Variants in MAN2A2 observed in about 807,000 individuals in gnomAD.
MAN2A2 encodes mannosidase alpha class 2A member 2.
A neutral mutation model predicts 126.8 loss-of-function variants in MAN2A2; 79 were observed. The ratio of observed to expected loss-of-function variants is 0.62; its 90% CI spans 0.52 to 0.75. MAN2A2 has a LOEUF of 0.75. Ranked by LOEUF, MAN2A2 falls within the 30% of genes least tolerant of loss-of-function variation. The probability of loss-of-function intolerance (pLI) is 0.00; values close to 1 mark genes in which losing one functional copy is unlikely to be tolerated. For synonymous variants in MAN2A2, 671 were observed against 618.7 expected, an observed-to-expected ratio of 1.08 and a Z score of -1.25; for missense variants, 1,392 against 1,522.4, an observed-to-expected ratio of 0.91 and a Z score of 1.43.
At position 90,919,714 on chromosome 15, in the gene MAN2A2, C is replaced by G. The variant is rs1483946710; in HGVS notation, c.3380C>G (p.Ala1127Gly). 6 of 1,614,236 alleles carry G rather than the reference C, an allele frequency of 3.7e-6. No homozygotes were observed. Among genetic ancestry groups the G allele is most frequent in the Non-Finnish European group, 4.2e-6 (5 of 1,180,036 alleles). ...PTSLTLLYPL[A>G]SPSNSTDVYL... ...TCCTTGACGTTACTGTACCCTCTGG[C>G]CTCCCCGTCCAACAGCACTGACGTC... Residue 1127 changes from alanine (A) to glycine (G), a missense_variant, in exon 23 of 23, where the codon GCC becomes GGC. Ala to Gly is a moderately conservative substitution (Grantham distance 60, BLOSUM62 0). Transcript: ENST00000559717.
At position 90,905,418 on chromosome 15, in the gene MAN2A2, GC is replaced by G. The variant is rs748528753; in HGVS notation, c.302del (p.Pro101HisfsTer151). 1 of 1,613,760 alleles carries G rather than the reference GC, an allele frequency of 6.2e-7. No homozygotes were observed. Among genetic ancestry groups the G allele is most frequent in the Non-Finnish European group, 8.5e-7 (1 of 1,180,020 alleles). ...ACACGGTCAATGGCTCCTGGGTGGT[GC>G]CACCGGAGCCCCGGCCCAGCTTCTT... ...YYTVNGSWVV[P>X]PEPRPSFFSI... On this transcript the variant is annotated frameshift_variant, in exon 3 of 23. Transcript: ENST00000559717. LOFTEE classifies it high-confidence loss of function.
Position 90,911,662 on chromosome 15 carries a change from C to A in MAN2A2, c.2109+112C>A, listed in dbSNP as rs1011040873. The stretch of plus-strand genomic sequence containing the variant: ...GCTTGTGGCCCTGCTACTCTCCAGG[C>A]TGAGGACAAGTGTCCTGGGGAGGGG... On this transcript the variant is annotated intron_variant, in intron 14 of 22. Transcript: ENST00000559717. 3 of 1,247,524 alleles carry A rather than the reference C, an allele frequency of 2.4e-6. No individual in the cohort carries two copies. In the African/African-American group the frequency reaches 4.5e-5, roughly 19 times the overall value. The allele number at this position is 1,247,524 out of a possible 1,614,324, so 77.3% of individuals were successfully genotyped here.
In MAN2A2 at chr15:90,909,468, T is replaced by C. The variant is rs1462955535; in HGVS notation, c.1338T>C (p.Phe446=). The C allele has an allele frequency of 1.2e-6, 2 of 1,614,098 alleles. No individual in the cohort carries two copies. Among genetic ancestry groups the C allele is most frequent in the East Asian group, 2.2e-5 (1 of 44,878 alleles). Residue 446 remains phenylalanine, a synonymous_variant, in exon 9 of 23, where the codon TTT becomes TTC. Coordinates refer to ENST00000559717, the MANE Select transcript of MAN2A2 (RefSeq NM_006122.4). ...DAQFFNYQRL[F]DFFNSRPNLH... is the part of the protein sequence containing the mutation. The stretch of plus-strand genomic sequence containing the variant: ...AGTTCTTCAACTACCAACGGCTCTT[T>C]GACTTCTTCAACAGCAGGCCTAACC...
In MAN2A2 at chr15:90,919,976, G is replaced by A; in HGVS notation, c.*189G>A. On this transcript the variant is annotated 3_prime_UTR_variant, in exon 23 of 23. Coordinates refer to ENST00000559717, the MANE Select transcript of MAN2A2 (RefSeq NM_006122.4). ...GCGCAACCCACAAACCCAGTGATGG[G>A]TAAATAGGGCAGACGCCAGTGAGAT... The A allele has an allele frequency of 1.5e-6, 1 of 645,818 alleles. No homozygotes were observed. Among genetic ancestry groups the A allele is most frequent in the South Asian group, 2.0e-5 (1 of 50,874 alleles). 40.0% of individuals were successfully genotyped at this position (645,818 alleles called of 1,614,324 possible).
chr15:90,919,736 C>T lies in MAN2A2; in HGVS notation c.3402C>T (p.Asp1134=), dbSNP rs780625069. The T allele has an allele frequency of 2.7e-5, 44 of 1,614,098 alleles. No individual in the cohort carries two copies. The highest frequency in any genetic ancestry group is 1.9e-4 in the South Asian group (17 of 91,084). ...TGGCCTCCCCGTCCAACAGCACTGA[C>T]GTCTATTTGGAGCCCATGGAGATTG... ...YPLASPSNST[D]VYLEPMEIAT... is the part of the protein sequence containing the mutation. The change falls in exon 23 of 23, where the codon GAC becomes GAT. Residue 1134 remains aspartate (D), a synonymous_variant. Transcript: ENST00000559717.
rs1355376178 is a variant in MAN2A2, at chr15:90,905,936, G to T, written c.627G>T (p.Arg209=). Residue 209 remains arginine (R), a synonymous_variant, in exon 5 of 23, where the codon CGG becomes CGT. Coordinates refer to ENST00000559717, the MANE Select transcript of MAN2A2 (RefSeq NM_006122.4). The part of the protein sequence containing the change: ...MVSKLQEDPR[R]RFLWAEVSFF... Reference sequence around the variant, plus strand: ...CTAAGCTGCAGGAGGACCCCCGGCGGCGCTTCCTCTGGGCAGAGGTCTCCT... The same window carrying T: ...CTAAGCTGCAGGAGGACCCCCGGCGTCGCTTCCTCTGGGCAGAGGTCTCCT... The T allele has an allele frequency of 6.2e-7, 1 of 1,613,538 alleles. No individual in the cohort carries two copies. Among genetic ancestry groups the T allele is most frequent in the Non-Finnish European group, 8.5e-7 (1 of 1,179,690 alleles).
Position 90,918,238 on chromosome 15 carries a change from C to G in MAN2A2, c.3039C>G (p.His1013Gln). 6.2e-7 allele frequency: 1 copy of G among 1,614,086 alleles called. No individual in the cohort carries two copies. Among genetic ancestry groups the G allele is most frequent in the Non-Finnish European group, 8.5e-7 (1 of 1,179,980 alleles). The change falls in exon 21 of 23, where the codon CAC becomes CAG. Residue 1013 changes from histidine (H) to glutamine (Q), a missense_variant. Coordinates refer to ENST00000559717, the MANE Select transcript of MAN2A2 (RefSeq NM_006122.4). ...CCAGCTACCCATCCCTCCTCAGCCACCTGACCTCCATGTACCTGAACGCCC... is the reference window on the plus strand; with the variant it reads ...CCAGCTACCCATCCCTCCTCAGCCAGCTGACCTCCATGTACCTGAACGCCC... ...HSTSYPSLLS[H>Q]LTSMYLNAPA...
Position 90,921,385 on chromosome 15 carries a change from A to C in MAN2A2, c.*1598A>C, listed in dbSNP as rs2035536329. 1 of 151,976 alleles carries C rather than the reference A, an allele frequency of 6.6e-6. No individual in the cohort carries two copies. Among genetic ancestry groups the C allele is most frequent in the Non-Finnish European group, 1.5e-5 (1 of 68,016 alleles). The allele number at this position is 151,976 out of a possible 1,614,324, so 9.4% of individuals were successfully genotyped here. On this transcript the variant is annotated 3_prime_UTR_variant, in exon 23 of 23. Transcript: ENST00000559717. The stretch of plus-strand genomic sequence containing the variant: ...GTGAATGTGTGAGAACACTAAGACC[A>C]CTCTGAACGATGATAATGAGTTGGG...
intron 6 of MAN2A2, 82 bp downstream of exon 6, chr15:90,906,579 G>C (rs947677312): frequency 2.5e-6 from 4 of 1,604,340 alleles, no homozygotes; most frequent in Admixed American, 3.4e-5. Flanking sequence ...GGATCGGCAG[G>C]GGGTGGTTCC....
intron 17 of MAN2A2, 92 bp from the exon 18 acceptor site, chr15:90,913,181 C>G (rs1042962042): frequency 2.0e-6 from 3 of 1,479,060 alleles, no homozygotes; most frequent in Non-Finnish European, 2.8e-6. Flanking sequence ...GACAGAGCCT[C>G]TCCCCAGCTC....
chr15:90,909,312 T>C lies in MAN2A2; in HGVS notation c.1197-15T>C, dbSNP rs2034538224. ...GAGACTTCGTGGTGGGCCCATGTTT[T>C]TTTTCCTGCCCCAGGGCAGCCCTGC... On this transcript the variant is annotated splice_polypyrimidine_tract_variant and intron_variant, in intron 8 of 22. Transcript: ENST00000559717. 1.3e-6 allele frequency: 2 copies of C among 1,596,020 alleles called. No individual in the cohort carries two copies. The highest frequency in any genetic ancestry group is 1.7e-6 in the Non-Finnish European group (2 of 1,167,630).
intron 7 of MAN2A2, 73 bp from the exon 8 acceptor site, chr15:90,907,236 C>G: frequency 6.8e-7 from 1 of 1,474,456 alleles, no homozygotes; most frequent in Non-Finnish European, 9.4e-7. Flanking sequence ...TGCCTTTAGC[C>G]TGAACAGATC....
At chr15:90,914,711 G>A (rs1038463307) in intron 19 of MAN2A2, among the ~76,000 whole-genome samples, 5 of 152,084 alleles carry the variant, frequency 3.3e-5, no homozygotes, top group African/African-American at 9.7e-5. Flanking sequence ...GTAGAGATGG[G>A]GTTTCACCAT....
rs1031645545 is a variant in MAN2A2 at position 90,905,781 on chromosome 15, A to G, written c.535+58A>G. The G allele has an allele frequency of 1.3e-5, 21 of 1,604,960 alleles. No homozygotes were observed. In the Middle Eastern group the frequency reaches 6.6e-4, roughly 50 times the overall value. Reference sequence around the variant, plus strand: ...TGTGGAGTGGGATTTCTGATGGCCAATACAAGGGAGGGACGTCGAAGAAGA... The same window carrying G: ...TGTGGAGTGGGATTTCTGATGGCCAGTACAAGGGAGGGACGTCGAAGAAGA... On this transcript the variant is annotated intron_variant, in intron 4 of 22. Transcript: ENST00000559717.
At chr15:90,917,231 G>A (rs993915356) in intron 20 of MAN2A2, among the ~76,000 whole-genome samples, 2 of 152,236 alleles carry the variant, frequency 1.3e-5, no homozygotes, top group African/African-American at 2.4e-5. Flanking sequence ...ATGTGGTGTC[G>A]GATATTTCCA....
Position 90,912,162 on chromosome 15 carries a change from G to C in MAN2A2, c.2229G>C (p.Leu743=). 1 of 1,613,988 alleles carries C rather than the reference G, an allele frequency of 6.2e-7. No homozygotes were observed. The highest frequency in any genetic ancestry group is 8.5e-7 in the Non-Finnish European group (1 of 1,179,968). ...SVRIYLHGRQ[L]SVSRHEAFPL... The stretch of plus-strand genomic sequence containing the variant: ...GCATCTACCTGCACGGCCGGCAGCT[G>C]TCCGTCAGCAGGCACGAAGCGTTTC... The change falls in exon 15 of 23, where the codon CTG becomes CTC. Residue 743 remains leucine, a synonymous_variant. Coordinates refer to ENST00000559717, the MANE Select transcript of MAN2A2 (RefSeq NM_006122.4).
intron 8 of MAN2A2, 70 bp downstream of exon 8, chr15:90,907,565 G>C: frequency 6.8e-7 from 1 of 1,467,368 alleles, no homozygotes; most frequent in South Asian, 1.2e-5. Context: ...GCCGTGCCAC[G>C]TGGAGGGTGG....
At chr15:90,909,293 T>G in intron 8 of MAN2A2, 34 bp from the exon 9 acceptor site, 2 of 1,587,184 alleles carry the variant, frequency 1.3e-6, no homozygotes, top group Non-Finnish European at 1.7e-6. Context: ...TGATGAGACT[T>G]CGTGGTGGGC....
Position 90,919,868 on chromosome 15 carries a change from A to G in MAN2A2, c.*81A>G, listed in dbSNP as rs2035466822. 2 of 1,512,410 alleles carry G rather than the reference A, an allele frequency of 1.3e-6. No homozygotes were observed. Among genetic ancestry groups the G allele is most frequent in the African/African-American group, 1.4e-5 (1 of 73,034 alleles). The allele number at this position is 1,512,410 out of a possible 1,614,324, so 93.7% of individuals were successfully genotyped here. ...AGATCATTGGACAAGCCACACGGGTATCCCATCCCGATCTGCCTCCCAGAA... is the reference window on the plus strand; with the variant it reads ...AGATCATTGGACAAGCCACACGGGTGTCCCATCCCGATCTGCCTCCCAGAA... On this transcript the variant is annotated 3_prime_UTR_variant, in exon 23 of 23. Transcript: ENST00000559717.
Sources: allele counts gnomAD v4.1 joint callset (sites outside exome capture counted in the v4.1 genomes callset), GRCh38; gene constraint gnomAD v4.1.1; transcripts MANE v1.5; gene names NCBI Gene and HGNC (gene_info 2026-07-23, HGNC 2026-07-21).